Variants in USP24 observed in about 807,000 individuals in gnomAD.
The protein encoded by USP24 is ubiquitin carboxyl-terminal hydrolase 24.
In USP24, 97 loss-of-function variants were observed where a neutral mutation model predicts 361.6. The observed-to-expected ratio is 0.27, with a 90% CI of 0.23 to 0.32. The LOEUF (loss-of-function observed/expected upper bound fraction) is 0.32, where lower values mean the gene tolerates loss of function less well. Ranked by LOEUF, USP24 falls within the 10% of genes least tolerant of loss-of-function variation. The pLI, the probability that USP24 is intolerant of heterozygous loss-of-function variation, is 1.00. For synonymous variants in USP24, 1,098 were observed against 1,124.6 expected (o/e 0.98, Z 0.47); for missense variants, 2,353 against 3,165.6 (o/e 0.74, Z 6.16).
chr1:55,137,428 C>A, intron 28 of USP24, 87 bp downstream of exon 28: 1 of 1,415,192 alleles, frequency 7.1e-7, no homozygotes, highest in Non-Finnish European at 9.4e-7. Context: ...TGAATCCCAG[C>A]ATTTGTTATA....
At chr1:55,201,346 C>T (rs1342218030) in intron 1 of USP24, among the ~76,000 whole-genome samples, 2 of 152,088 alleles carry the variant, frequency 1.3e-5, no homozygotes, top group Non-Finnish European at 2.9e-5. Flanking sequence ...TGGCTCATGC[C>T]TGTAATCGCA....
At chr1:55,132,093 T>C (rs149257297) in intron 31 of USP24, among the ~76,000 whole-genome samples, 3 of 152,310 alleles carry the variant, frequency 2.0e-5, no homozygotes, top group African/African-American at 7.2e-5. Flanking sequence ...CAGTAAACAA[T>C]TAAATGTATT....
chr1:55,111,917 T>G (rs569507798), intron 38 of USP24, among the ~76,000 whole-genome samples: 1 of 152,160 alleles, frequency 6.6e-6, no homozygotes, highest in East Asian at 1.9e-4. Context: ...AGAAAGTGCA[T>G]GAGAATAGAA....
intron 1 of USP24, among the ~76,000 whole-genome samples, chr1:55,208,213 T>C (rs1262679290): frequency 6.6e-6 from 1 of 152,206 alleles, no homozygotes; most frequent in Non-Finnish European, 1.5e-5. Flanking sequence ...AAATGGAAGC[T>C]ACCAATGGTG....
At chr1:55,123,672 A>T (rs1557596149) in intron 35 of USP24, 70 bp from the exon 36 acceptor site, 9 of 1,418,786 alleles carry the variant, frequency 6.3e-6, no homozygotes, top group Non-Finnish European at 8.4e-6. Flanking sequence ...TCTTTTTACT[A>T]TATGTTCCAG....
intron 39 of USP24, among the ~76,000 whole-genome samples, chr1:55,107,876 A>C (rs1324229373): frequency 3.3e-5 from 5 of 150,154 alleles, no homozygotes; most frequent in Admixed American, 6.7e-5. Flanking sequence ...ACACACAAAA[A>C]CCCCACAAAA....
chr1:55,147,811 A>C lies in USP24; in HGVS notation c.1969-13T>G. On this transcript the variant is annotated splice_polypyrimidine_tract_variant and intron_variant, in intron 17 of 67. Coordinates refer to ENST00000294383, the MANE Select transcript of USP24 (RefSeq NM_015306.3). ...CTTGAATAATGCTCTTGGCGAAAAT[A>C]ACAAAAAGAAAAGTGGTAATGAGAA... 1 of 1,609,040 alleles carries C rather than the reference A, an allele frequency of 6.2e-7. No individual in the cohort carries two copies. The highest frequency in any genetic ancestry group is 1.7e-4 in the Middle Eastern group (1 of 6,040).
chr1:55,162,992 C>A (rs1241215720), intron 7 of USP24, among the ~76,000 whole-genome samples: 3 of 151,948 alleles, frequency 2.0e-5, no homozygotes, highest in Non-Finnish European at 4.4e-5. Context: ...TCCATTGGCA[C>A]ACGGGCCTTT....
rs1044893855 is a variant in USP24 at position 55,100,788 on chromosome 1, G to C, written c.5271+51C>G. On this transcript the variant is annotated intron_variant, in intron 44 of 67. Transcript: ENST00000294383. ...AAACCATTACCATTAGAGAAAGAATGTAGCCAAATATTTAACATCTTTAAA... is the reference window on the plus strand; with the variant it reads ...AAACCATTACCATTAGAGAAAGAATCTAGCCAAATATTTAACATCTTTAAA... The C allele has an allele frequency of 2.0e-6, 3 of 1,528,112 alleles. No individual in the cohort carries two copies. The Admixed American group carries it at 6.7e-5, about 34-fold the overall frequency. 94.7% of individuals were successfully genotyped at this position (1,528,112 alleles called of 1,614,324 possible). A position where few individuals can be genotyped will look rare whatever the true frequency, so the allele number is the denominator to read the frequency against.
chr1:55,108,088 C>G (rs945458594), intron 39 of USP24, among the ~76,000 whole-genome samples: 1 of 151,870 alleles, frequency 6.6e-6, no homozygotes, highest in Non-Finnish European at 1.5e-5. Context: ...ACAAAATCTT[C>G]TAGAGAAAGA....
chr1:55,118,414 G>A (rs554941450), intron 38 of USP24, among the ~76,000 whole-genome samples: 5 of 152,256 alleles, frequency 3.3e-5, no homozygotes, highest in South Asian at 2.1e-4. Context: ...GGAGAAAAAC[G>A]AAGTCAGACC....
Position 55,120,663 on chromosome 1 carries a change from CT to C in USP24, c.4440del (p.Gly1481AlafsTer2). The C allele has an allele frequency of 1.9e-6, 3 of 1,563,132 alleles. No homozygotes were observed. Among genetic ancestry groups the C allele is most frequent in the Non-Finnish European group, 2.6e-6 (3 of 1,152,594 alleles). ...PDVQKPNQFL[L>X]GVILTAQLPL... is the part of the protein sequence containing the mutation. ...GGCAGCTGAGCCGTGAGGATTACGC[CT>C]AGAAGAAACTGATTTGGCTTCTGCA... is the stretch of plus-strand genomic sequence containing the variant. On this transcript the variant is annotated frameshift_variant, in exon 38 of 68. Coordinates refer to ENST00000294383, the MANE Select transcript of USP24 (RefSeq NM_015306.3). LOFTEE classifies it high-confidence loss of function.
chr1:55,130,397 A>G (rs567055265), intron 31 of USP24, among the ~76,000 whole-genome samples: 2 of 152,360 alleles, frequency 1.3e-5, no homozygotes, highest in African/African-American at 4.8e-5. Flanking sequence ...TAGTATAAGC[A>G]TCAGCACAAA....
rs372607590 is a variant in USP24, at chr1:55,160,133, A to ATGG, written c.994-451_994-449dup. On this transcript the variant is annotated intron_variant, in intron 8 of 67. Coordinates refer to ENST00000294383, the MANE Select transcript of USP24 (RefSeq NM_015306.3). Reference sequence around the variant, plus strand: ...AATTCATACAATACACTGCTCCAGAATGGTAACACAACCAGAAAACTAACT... The same window carrying ATGG: ...AATTCATACAATACACTGCTCCAGAATGGTGGTAACACAACCAGAAAACTAACT... Among the ~76,000 whole-genome samples the ATGG allele has an allele frequency of 3.4e-3, 512 of 152,366 alleles. 4 individuals carry two copies. The highest frequency in any genetic ancestry group is 0.012 in the African/African-American group (498 of 41,584).
chr1:55,074,870 A>C (rs1319205389), intron 63 of USP24, among the ~76,000 whole-genome samples: 1 of 152,104 alleles, frequency 6.6e-6, no homozygotes, highest in Non-Finnish European at 1.5e-5. Flanking sequence ...AATACATAGC[A>C]AAATCTAAAA....
At chr1:55,087,658 A>T (rs1645280971) in intron 55 of USP24, among the ~76,000 whole-genome samples, 1 of 152,226 alleles carries the variant, frequency 6.6e-6, no homozygotes, top group South Asian at 2.1e-4. Context: ...TGCATGCCTG[A>T]ATAAGTATTT....
chr1:55,134,452 A>C (rs1169872864), intron 28 of USP24, 39 bp from the exon 29 acceptor site: 1 of 1,528,960 alleles, frequency 6.5e-7, no homozygotes, highest in East Asian at 2.3e-5. Context: ...AAATTTACAA[A>C]AGAATGTTCT....
At chr1:55,091,936 C>A in intron 54 of USP24, 87 bp downstream of exon 54, 2 of 1,034,902 alleles carry the variant, frequency 1.9e-6, no homozygotes, top group Non-Finnish European at 2.8e-6. Context: ...TAGCTGCTTT[C>A]ACAATATTTT....
intron 39 of USP24, among the ~76,000 whole-genome samples, chr1:55,109,412 A>G (rs996102550): frequency 7.9e-5 from 12 of 152,226 alleles, no homozygotes; most frequent in African/African-American, 2.7e-4. Context: ...TTTTAGACTT[A>G]GGTGCTGGGA....
Sources: gnomAD v4.1 joint callset for allele counts (sites outside exome capture counted in the v4.1 genomes callset) on GRCh38, gnomAD v4.1.1 for gene constraint, MANE v1.5 for transcripts, NCBI Gene and HGNC (gene_info 2026-07-23, HGNC 2026-07-21) for gene names.